Variants in RPS6KC1 observed in about 807,000 individuals in gnomAD.
The protein encoded by RPS6KC1 is inactive ribosomal protein S6 kinase delta-1.
A neutral mutation model predicts 103.8 loss-of-function variants in RPS6KC1; 54 were observed. The observed-to-expected ratio is 0.52, with a 90% CI of 0.42 to 0.65. RPS6KC1 has a LOEUF of 0.65. Ranked by LOEUF, RPS6KC1 falls within the 30% of genes least tolerant of loss-of-function variation. The pLI is 0.00. For missense variants in RPS6KC1, 1,151 were observed against 1,253.8 expected, an observed-to-expected ratio of 0.92 and a Z score of 1.24; for synonymous variants, 439 against 438.7, an observed-to-expected ratio of 1.00 and a Z score of -0.01.
At chr1:213,635,958 T>C in the RPS6KC1 span, among the ~76,000 whole-genome samples, 1 of 152,164 alleles carries the variant, frequency 6.6e-6, no homozygotes, top group Middle Eastern at 3.2e-3. Flanking sequence ...ATCACAAGCA[T>C]TCCTATACAC....
the RPS6KC1 span, among the ~76,000 whole-genome samples, chr1:213,411,411 C>T: frequency 6.6e-6 from 1 of 152,294 alleles, no homozygotes; most frequent in South Asian, 2.1e-4. Context: ...GGCTTTTGCT[C>T]AAAGTTGCAG....
At chr1:213,482,824 T>C in the RPS6KC1 span, among the ~76,000 whole-genome samples, 1 of 152,070 alleles carries the variant, frequency 6.6e-6, no homozygotes, top group Non-Finnish European at 1.5e-5. Context: ...CCTTTGTTTT[T>C]TAATAAGGAA....
chr1:213,780,528 C>T, the RPS6KC1 span, among the ~76,000 whole-genome samples: 1 of 152,214 alleles, frequency 6.6e-6, no homozygotes, highest in South Asian at 2.1e-4. Flanking sequence ...GGAACTGGTA[C>T]TCTGTTACAG....
chr1:213,800,727 A>G, the RPS6KC1 span, among the ~76,000 whole-genome samples: 1 of 152,166 alleles, frequency 6.6e-6, no homozygotes, highest in Non-Finnish European at 1.5e-5. Flanking sequence ...GCAGACATTA[A>G]ACAATCTCAT....
chr1:213,157,758 C>T (rs59937164), intron 6 of RPS6KC1, among the ~76,000 whole-genome samples: 2 of 152,048 alleles, frequency 1.3e-5, no homozygotes, highest in Non-Finnish European at 2.9e-5. Flanking sequence ...TCTCTTTGTT[C>T]TAGCGATTAT....
chr1:213,785,427 A>T, the RPS6KC1 span, among the ~76,000 whole-genome samples: 4 of 130,486 alleles, frequency 3.1e-5, no homozygotes, highest in Admixed American at 7.2e-5. Flanking sequence ...AAATAAAAAT[A>T]AAAAAAAACC....
At chr1:213,462,521 T>G in the RPS6KC1 span, among the ~76,000 whole-genome samples, 4,339 of 152,272 alleles carry the variant, frequency 0.028, 86 homozygotes, top group East Asian at 0.052. Context: ...CCATTAATGA[T>G]AGACTGGATA....
rs1352699017 is a variant in RPS6KC1, at chr1:213,204,066, C to T, written c.1045-26431C>T. ...ACACCCCTCTTCTTTGTTCCAGTTG[C>T]ACCTGTAATTCTTCAGCATAGTACT... On this transcript the variant is annotated intron_variant, in intron 8 of 14. Coordinates refer to ENST00000366960, the MANE Select transcript of RPS6KC1 (RefSeq NM_012424.6). Among the ~76,000 whole-genome samples the T allele has an allele frequency of 3.3e-5, 5 of 152,188 alleles. No individual in the cohort carries two copies. The East Asian group carries it at 9.6e-4, about 29-fold the overall frequency.
the RPS6KC1 span, among the ~76,000 whole-genome samples, chr1:213,568,597 A>G: frequency 6.6e-6 from 1 of 152,230 alleles, no homozygotes; most frequent in Non-Finnish European, 1.5e-5. Flanking sequence ...CTCCAGGGCT[A>G]GGTATTTGGT....
At chr1:213,646,379 A>G in the RPS6KC1 span, among the ~76,000 whole-genome samples, 1 of 152,208 alleles carries the variant, frequency 6.6e-6, no homozygotes, top group Non-Finnish European at 1.5e-5. Context: ...CCTGTAGAAG[A>G]TGATAGAAAG....
the RPS6KC1 span, among the ~76,000 whole-genome samples, chr1:213,540,803 G>C: frequency 2.8e-4 from 43 of 152,260 alleles, no homozygotes; most frequent in East Asian, 5.0e-3. Flanking sequence ...CTCAAGCCCT[G>C]TCACTGCTTT....
intron 6 of RPS6KC1, among the ~76,000 whole-genome samples, chr1:213,161,251 TAGGG>T (rs1475956919): frequency 2.0e-5 from 3 of 152,144 alleles, no homozygotes; most frequent in Admixed American, 6.5e-5. Context: ...AGTTAATTGT[TAGGG>T]AGGATTTTCT....
the RPS6KC1 span, among the ~76,000 whole-genome samples, chr1:213,302,724 T>A: frequency 2.0e-5 from 3 of 152,294 alleles, no homozygotes; most frequent in East Asian, 5.8e-4. Context: ...CCTAGTGGCT[T>A]CAGTGTCCTT....
chr1:213,482,338 A>AT, the RPS6KC1 span, among the ~76,000 whole-genome samples: 1 of 151,530 alleles, frequency 6.6e-6, no homozygotes, highest in Non-Finnish European at 1.5e-5. Context: ...CTTTACAGTC[A>AT]TTTTTTAATT....
At chr1:213,476,292 T>C in the RPS6KC1 span, among the ~76,000 whole-genome samples, 1 of 152,174 alleles carries the variant, frequency 6.6e-6, no homozygotes, top group Non-Finnish European at 1.5e-5. Context: ...CCTTGTTTCC[T>C]AAATGATAGT....
chr1:213,539,859 C>G, the RPS6KC1 span, among the ~76,000 whole-genome samples: 1 of 94,746 alleles, frequency 1.1e-5, no homozygotes, highest in Non-Finnish European at 2.9e-5. Context: ...AGGTCACACA[C>G]ATTTTTTTGG....
chr1:213,561,680 A>G, the RPS6KC1 span, among the ~76,000 whole-genome samples: 1 of 152,076 alleles, frequency 6.6e-6, no homozygotes, highest in South Asian at 2.1e-4. Flanking sequence ...AGCTTTGGAG[A>G]AACAGTGAAG....
At chr1:213,305,660 C>T in the RPS6KC1 span, among the ~76,000 whole-genome samples, 1 of 152,100 alleles carries the variant, frequency 6.6e-6, no homozygotes, top group Admixed American at 6.5e-5. Flanking sequence ...GGAGTAAAGG[C>T]TAGGGATTCA....
At chr1:213,489,060 T>C in the RPS6KC1 span, among the ~76,000 whole-genome samples, 1 of 152,210 alleles carries the variant, frequency 6.6e-6, no homozygotes, top group East Asian at 1.9e-4. Flanking sequence ...AAGTTTATGC[T>C]TTTAGGGATC....
Sources: allele counts gnomAD v4.1 joint callset (sites outside exome capture counted in the v4.1 genomes callset), GRCh38; gene constraint gnomAD v4.1.1; transcripts MANE v1.5; gene names NCBI Gene and HGNC (gene_info 2026-07-23, HGNC 2026-07-21).